The following WDR62 variants were observed in gnomAD, a reference collection of about 807,000 sequenced individuals.
WDR62 encodes the protein WD repeat domain 62, also known as WD repeat-containing protein 62.
In WDR62, 112 loss-of-function variants were observed where a neutral mutation model predicts 160.6. That is an observed-to-expected ratio of 0.70 (90% confidence interval 0.60 to 0.82). The LOEUF (loss-of-function observed/expected upper bound fraction) is 0.82, where lower values mean the gene tolerates loss of function less well. Ranked by LOEUF, WDR62 falls within the 40% of genes least tolerant of loss-of-function variation. The pLI is 0.00. For missense variants in WDR62, 1,819 were observed against 1,983.8 expected (o/e 0.92, Z 1.58); for synonymous variants, 792 against 815.1 (o/e 0.97, Z 0.48).
In WDR62 at chr19:36,081,503, A is replaced by C. The variant is rs1971896160; in HGVS notation, c.1304A>C (p.Asn435Thr). ...TCCTTTCTGACTTGTTCTTCAGACA[A>C]CACCATTCGCTTCTGGAACTTGGAC... The part of the protein sequence containing the change: ...SGSFLTCSSD[N>T]TIRFWNLDSS... Residue 435 changes from asparagine (N) to threonine (T), a missense_variant, in exon 10 of 32, where the codon AAC becomes ACC. Asn to Thr is a moderately conservative substitution (Grantham distance 65). Coordinates refer to ENST00000401500, the MANE Select transcript of WDR62 (RefSeq NM_001083961.2). 6.2e-7 allele frequency: 1 copy of C among 1,614,190 alleles called. No homozygotes were observed. Among genetic ancestry groups the C allele is most frequent in the African/African-American group, 1.3e-5 (1 of 75,042 alleles).
At chr19:36,061,939 CTTTT>C (rs938519423) in intron 3 of WDR62, 1 of 148,840 alleles carries the variant, frequency 6.7e-6, no homozygotes, top group Non-Finnish European at 1.5e-5. Flanking sequence ...CAAATGTTAG[CTTTT>C]TTTTCTTTTT....
At chr19:36,057,504 C>T (rs1970429652) in intron 1 of WDR62, among the ~76,000 whole-genome samples, 1 of 143,160 alleles carries the variant, frequency 7.0e-6, no homozygotes, top group Admixed American at 7.0e-5. Flanking sequence ...GCCTCTGTTT[C>T]CTCAACTGTT....
intron 21 of WDR62, 95 bp downstream of exon 21, chr19:36,097,174 C>G (rs1599833250): frequency 1.5e-5 from 18 of 1,238,568 alleles, no homozygotes; most frequent in South Asian, 5.1e-5. Context: ...CCATGTCCCT[C>G]TTTTCCCTGG....
Position 36,093,922 on chromosome 19 carries a change from C to T in WDR62, c.2334-109C>T, listed in dbSNP as rs1025695629. On this transcript the variant is annotated intron_variant, in intron 19 of 31. Transcript: ENST00000401500. ...TGCCAGCACCATCTTGACCAGCAGC[C>T]AAGAATATGTTCACATGGAGCTTAG... 8 of 1,406,134 alleles carry T rather than the reference C, an allele frequency of 5.7e-6. No individual in the cohort carries two copies. The African/African-American group carries it at 1.1e-4, about 20-fold the overall frequency. The allele number at this position is 1,406,134 out of a possible 1,614,324, so 87.1% of individuals were successfully genotyped here.
rs759265025 is a variant in WDR62, at chr19:36,084,699, C to T, written c.1597C>T (p.His533Tyr). Residue 533 changes from histidine (H) to tyrosine (Y), a missense_variant, in exon 12 of 32, where the codon CAT becomes TAT. Physicochemically the swap from His to Tyr is moderately conservative, Grantham distance 83. Transcript: ENST00000401500. ...GGACGAGCTGGTCAAGGTGGAGGCC[C>T]ATGATGCTGAGGTGCTGTGCCTGGA... ...FMDELVKVEAHDAEVLCLEYS... is the reference protein window; with the variant it reads ...FMDELVKVEAYDAEVLCLEYS... 1 of 1,613,816 alleles carries T rather than the reference C, an allele frequency of 6.2e-7. No homozygotes were observed. Among genetic ancestry groups the T allele is most frequent in the Non-Finnish European group, 8.5e-7 (1 of 1,179,996 alleles).
chr19:36,104,075 G>T, intron 30 of WDR62, 94 bp downstream of exon 30: 1 of 1,480,180 alleles, frequency 6.8e-7, no homozygotes, highest in South Asian at 1.1e-5. Flanking sequence ...CTGGCCACAG[G>T]GACTGTGCCA....
chr19:36,089,129 G>C (rs1391523600), intron 14 of WDR62, 24 bp downstream of exon 14: 1 of 1,613,622 alleles, frequency 6.2e-7, no homozygotes, highest in African/African-American at 1.3e-5. Flanking sequence ...GCCTCCTTGG[G>C]GGCTGGGGTG....
chr19:36,069,957 A>G (rs1971198335), intron 7 of WDR62, among the ~76,000 whole-genome samples: 1 of 151,982 alleles, frequency 6.6e-6, no homozygotes, highest in Non-Finnish European at 1.5e-5. Context: ...AGTACAGTCC[A>G]GCTTTGGCTC....
At chr19:36,068,751 A>G (rs533655092) in intron 7 of WDR62, among the ~76,000 whole-genome samples, 9 of 152,342 alleles carry the variant, frequency 5.9e-5, no homozygotes, top group Non-Finnish European at 2.9e-5. Context: ...TCCCATGTCT[A>G]CTTCTTTCTA....
At chr19:36,104,404 G>A (rs959555830) in intron 30 of WDR62, 114 bp from the exon 31 acceptor site, 41 of 1,369,666 alleles carry the variant, frequency 3.0e-5, no homozygotes, top group Admixed American at 7.9e-5. Flanking sequence ...GGAGCCTTGG[G>A]GACCCAGAGA....
intron 9 of WDR62, among the ~76,000 whole-genome samples, chr19:36,078,808 C>T (rs1426945819): frequency 1.4e-5 from 2 of 146,318 alleles, no homozygotes; most frequent in Non-Finnish European, 3.0e-5. Context: ...TGCACTCCAG[C>T]CTGGGCGACA....
rs774222845 is a variant in WDR62 at position 36,066,024 on chromosome 19, T to A, written c.390+9T>A. On this transcript the variant is annotated intron_variant, in intron 4 of 31. Transcript: ENST00000401500. ...ACATAGTGACAGGGGAGGTGAGTCG[T>A]GATCGTGACTGAGTGGGAGTCGGGG... The A allele has an allele frequency of 3.7e-6, 6 of 1,614,010 alleles. No homozygotes were observed. Among genetic ancestry groups the A allele is most frequent in the Non-Finnish European group, 3.4e-6 (4 of 1,179,976 alleles).
intron 22 of WDR62, among the ~76,000 whole-genome samples, chr19:36,100,010 G>C (rs1973228610): frequency 6.6e-6 from 1 of 152,178 alleles, no homozygotes; most frequent in Non-Finnish European, 1.5e-5. Flanking sequence ...CAGCATTTGG[G>C]GAGGCCAAGG....
At chr19:36,088,549 G>A (rs1972393367) in intron 13 of WDR62, among the ~76,000 whole-genome samples, 1 of 152,176 alleles carries the variant, frequency 6.6e-6, no homozygotes, top group Non-Finnish European at 1.5e-5. Context: ...TGTGCCTTGG[G>A]ACAAGGACTC....
intron 8 of WDR62, among the ~76,000 whole-genome samples, chr19:36,072,303 A>G (rs894329957): frequency 2.0e-5 from 3 of 152,158 alleles, no homozygotes; most frequent in Admixed American, 6.5e-5. Context: ...TTGAGGTGAC[A>G]GCACACTGGG....
intron 4 of WDR62, 56 bp from the exon 5 acceptor site, chr19:36,066,201 C>T: frequency 3.1e-6 from 5 of 1,611,918 alleles, no homozygotes; most frequent in Non-Finnish European, 4.2e-6. Context: ...CCTTGACAAC[C>T]CTCTAGCCCT....
rs775413779 is a variant in WDR62 at position 36,071,532 on chromosome 19, C to G, written c.883-24C>G. The G allele has an allele frequency of 7.4e-6, 12 of 1,614,112 alleles. No homozygotes were observed. The South Asian group carries it at 1.3e-4, about 18-fold the overall frequency. ...CAGGCCACGTGAAGCACCAAATCCA[C>G]TGGGGTCCCTTTTGCCCCTACAGGT... On this transcript the variant is annotated intron_variant, in intron 7 of 31. Coordinates refer to ENST00000401500, the MANE Select transcript of WDR62 (RefSeq NM_001083961.2).
At position 36,094,174 on chromosome 19, in the gene WDR62, G is replaced by A; in HGVS notation, c.2467+10G>A. 6.2e-7 allele frequency: 1 copy of A among 1,613,808 alleles called. No homozygotes were observed. The highest frequency in any genetic ancestry group is 8.5e-7 in the Non-Finnish European group (1 of 1,179,942). ...GATAGCTTGGATCCAGGTTGGAAAA[G>A]GGGCCCTATTTTGAACTATGTCAGT... On this transcript the variant is annotated intron_variant, in intron 20 of 31. Coordinates refer to ENST00000401500, the MANE Select transcript of WDR62 (RefSeq NM_001083961.2).
intron 12 of WDR62, among the ~76,000 whole-genome samples, chr19:36,085,738 G>A (rs971414473): frequency 6.6e-6 from 1 of 152,120 alleles, no homozygotes; most frequent in Non-Finnish European, 1.5e-5. Flanking sequence ...TGGGCCATCA[G>A]ATGAGATCAT....
Sources: allele counts gnomAD v4.1 joint callset (sites outside exome capture counted in the v4.1 genomes callset), GRCh38; gene constraint gnomAD v4.1.1; transcripts MANE v1.5; gene names NCBI Gene and HGNC (gene_info 2026-07-23, HGNC 2026-07-21).